Variants in POGZ observed in about 807,000 individuals in gnomAD.
POGZ encodes the protein pogo transposable element with ZNF domain.
POGZ carries 17 observed loss-of-function variants against 134.6 expected under a neutral mutation model. That is an observed-to-expected ratio of 0.13 (90% CI 0.09 to 0.19). The LOEUF (loss-of-function observed/expected upper bound fraction) is 0.19. POGZ is among the 10% of genes least tolerant of loss of function. The pLI is 1.00. For synonymous variants in POGZ, 693 were observed against 657.1 expected (o/e 1.05, Z -0.84); for missense variants, 1,306 against 1,769.7 (o/e 0.74, Z 4.70).
chr1:151,424,330 A>G (rs1197466307), intron 8 of POGZ, 44 bp from the exon 9 acceptor site: 2 of 1,234,388 alleles, frequency 1.6e-6, no homozygotes, highest in Non-Finnish European at 2.3e-6. Flanking sequence ...CCTGGGGGCT[A>G]GAATGTGCTA....
chr1:151,414,472 C>G (rs568347181), intron 10 of POGZ, among the ~76,000 whole-genome samples: 2 of 152,298 alleles, frequency 1.3e-5, no homozygotes, highest in Admixed American at 1.3e-4. Context: ...TTCTAATGTA[C>G]AAGCATCAGG....
chr1:151,455,747 G>A (rs904488066), intron 1 of POGZ, among the ~76,000 whole-genome samples: 4 of 152,158 alleles, frequency 2.6e-5, no homozygotes, highest in Non-Finnish European at 4.4e-5. Flanking sequence ...GATTCTCACA[G>A]TTACTTCTGC....
chr1:151,419,995 C>A (rs948108515), intron 10 of POGZ, among the ~76,000 whole-genome samples: 6 of 151,924 alleles, frequency 3.9e-5, no homozygotes, highest in Non-Finnish European at 8.8e-5. Flanking sequence ...CCAGACTGGG[C>A]AACACAGCAA....
rs778395899 is a variant in POGZ at position 151,406,450 on chromosome 1, C to G, written c.2585G>C (p.Arg862Pro). The change falls in exon 19 of 19, where the codon CGT becomes CCT. Residue 862 changes from arginine to proline, a missense_variant. By Grantham distance (103) the Arg-to-Pro change is moderately radical. Around this residue, in one of 10 missense-constraint regions of POGZ, gnomAD observed 214 missense variants for 255.5 expected, o/e 0.84. Coordinates refer to ENST00000271715, the MANE Select transcript of POGZ (RefSeq NM_015100.4). ...CACGTTCCGGTCATGCACTCGGTCA[C>G]GAGTCTGGCCATGCCTAAAGGGGTG... ...WIAHSRHGQTRDRVHDRNVKN... is the reference protein window; with the variant it reads ...WIAHSRHGQTPDRVHDRNVKN... 1.3e-6 allele frequency: 2 copies of G among 1,548,932 alleles called. No homozygotes were observed. The highest frequency in any genetic ancestry group is 1.7e-6 in the Non-Finnish European group (2 of 1,150,860).
rs12122688 is a variant in POGZ at position 151,446,274 on chromosome 1, A to G, written c.-1-4069T>C. 4.0e-3 allele frequency among the ~76,000 whole-genome samples: 511 copies of G among 126,214 alleles called. 14 individuals are homozygous for G. Among genetic ancestry groups the G allele is most frequent in the African/African-American group, 5.3e-3 (189 of 35,774 alleles). The allele number at this position is 126,214 out of a possible 152,430, so 82.8% of individuals were successfully genotyped here. A position where few individuals can be genotyped will look rare whatever the true frequency, so the allele number is the denominator to read the frequency against. On this transcript the variant is annotated intron_variant, in intron 1 of 18. Coordinates refer to ENST00000271715, the MANE Select transcript of POGZ (RefSeq NM_015100.4). The stretch of plus-strand genomic sequence containing the variant: ...ATAAGGAAAAAAAAAAAAAAAAAAA[A>G]CGAATTTTATTCCCTCTTCCCTAAT...
chr1:151,435,879 C>T (rs193261835), intron 3 of POGZ, among the ~76,000 whole-genome samples: 1 of 152,036 alleles, frequency 6.6e-6, no homozygotes, highest in African/African-American at 2.4e-5. Context: ...TTAAAATACA[C>T]AATTCAGTGA....
chr1:151,434,411 G>A (rs1370749486), intron 3 of POGZ, among the ~76,000 whole-genome samples: 1 of 152,032 alleles, frequency 6.6e-6, no homozygotes, highest in Non-Finnish European at 1.5e-5. Context: ...GAGGTGGAGG[G>A]TGCAGTGAGC....
intron 10 of POGZ, among the ~76,000 whole-genome samples, chr1:151,418,454 A>G (rs536361291): frequency 2.0e-5 from 3 of 152,114 alleles, no homozygotes; most frequent in Non-Finnish European, 4.4e-5. Flanking sequence ...GGGAGTAGAG[A>G]GTTGAAGAGA....
At chr1:151,430,954 T>C (rs1295259175) in intron 3 of POGZ, 113 bp from the exon 4 acceptor site, 7 of 570,776 alleles carry the variant, frequency 1.2e-5, no homozygotes, top group Non-Finnish European at 1.5e-5. Flanking sequence ...TTTTATTTGA[T>C]ACAGGGTCTC....
At chr1:151,421,734 T>C (rs1018029816) in intron 10 of POGZ, among the ~76,000 whole-genome samples, 1 of 152,170 alleles carries the variant, frequency 6.6e-6, no homozygotes. Flanking sequence ...CTCAGTTAAA[T>C]GATATAACAG....
At chr1:151,450,736 C>T (rs1661945925) in intron 1 of POGZ, among the ~76,000 whole-genome samples, 1 of 152,148 alleles carries the variant, frequency 6.6e-6, no homozygotes, top group Non-Finnish European at 1.5e-5. Flanking sequence ...ACTCTTCTAG[C>T]TTCTTCAACT....
rs1367342396 is a variant in POGZ, at chr1:151,459,369, G to C, written c.-219C>G. 6.7e-6 allele frequency: 1 copy of C among 149,486 alleles called. No homozygotes were observed. 9.3% of individuals were successfully genotyped at this position (149,486 alleles called of 1,614,324 possible). ...TTCGGGGTGGATTTTTTTCCCGAGG[G>C]GGGCGGGGGGGCCCCGAGGGAGGGG... On this transcript the variant is annotated 5_prime_UTR_variant, in exon 1 of 19. Coordinates refer to ENST00000271715, the MANE Select transcript of POGZ (RefSeq NM_015100.4).
At chr1:151,430,530 C>T in intron 4 of POGZ, 136 bp downstream of exon 4, 1 of 623,636 alleles carries the variant, frequency 1.6e-6, no homozygotes, top group Non-Finnish European at 2.7e-6. Context: ...AATTACAGAA[C>T]AGTAAAAGAG....
At chr1:151,445,383 A>T (rs768378690) in intron 1 of POGZ, among the ~76,000 whole-genome samples, 2 of 151,910 alleles carry the variant, frequency 1.3e-5, no homozygotes, top group Non-Finnish European at 2.9e-5. Context: ...TTAGCCGGAC[A>T]TGGTGGCACA....
At chr1:151,431,673 T>C (rs1403609063) in intron 3 of POGZ, among the ~76,000 whole-genome samples, 1 of 152,204 alleles carries the variant, frequency 6.6e-6, no homozygotes, top group East Asian at 1.9e-4. Context: ...CAGAAGATAA[T>C]GATTCATTCA....
intron 3 of POGZ, among the ~76,000 whole-genome samples, chr1:151,435,519 G>T (rs2102333692): frequency 6.7e-6 from 1 of 148,588 alleles, no homozygotes; most frequent in African/African-American, 2.5e-5. Context: ...TTGAGATGGA[G>T]TCTTGCTCTG....
chr1:151,428,424 G>A lies in POGZ; in HGVS notation c.569-11C>T. On this transcript the variant is annotated splice_polypyrimidine_tract_variant and intron_variant, in intron 5 of 18. Transcript: ENST00000271715. ...ACTGGGTACCTGGGGCTTTAAAAGA[G>A]AGACAAAGTACCAGATCTTGGTCAG... 3.1e-6 allele frequency: 5 copies of A among 1,611,780 alleles called. No homozygotes were observed. Among genetic ancestry groups the A allele is most frequent in the Non-Finnish European group, 3.4e-6 (4 of 1,177,996 alleles).
Position 151,404,254 on chromosome 1 carries a change from C to T in POGZ, c.*548G>A. ...TCATTTTTATATAAAAGTGTTAAGA[C>T]CACAATGAAAAAAGTTTTTTATCCA... On this transcript the variant is annotated 3_prime_UTR_variant, in exon 19 of 19. Transcript: ENST00000271715. 1.0e-6 allele frequency: 1 copy of T among 983,170 alleles called. No individual in the cohort carries two copies. The allele number at this position is 983,170 out of a possible 1,614,324, so 60.9% of individuals were successfully genotyped here.
chr1:151,439,651 G>A lies in POGZ; in HGVS notation c.283+1277C>T, dbSNP rs1660202826. 2.6e-5 allele frequency among the ~76,000 whole-genome samples: 4 copies of A among 152,104 alleles called. No individual in the cohort carries two copies. The South Asian group carries it at 8.3e-4, about 31-fold the overall frequency. On this transcript the variant is annotated intron_variant, in intron 3 of 18. Transcript: ENST00000271715. ...ACAAAGGATGGGGACCCTAATAAAT[G>A]TTCAACAATGGGGAATGCACATATA...
Sources: allele counts gnomAD v4.1 joint callset (sites outside exome capture counted in the v4.1 genomes callset), GRCh38; gene constraint gnomAD v4.1.1; regional missense constraint gnomAD v4.1.1; transcripts MANE v1.5; gene names NCBI Gene and HGNC (gene_info 2026-07-23, HGNC 2026-07-21).